ITGBL1: variants seen among roughly 807,000 people sequenced by gnomAD.
The protein encoded by ITGBL1 is integrin beta-like protein 1.
ITGBL1 carries 51 observed loss-of-function variants against 68.5 expected under a neutral mutation model. That is an observed-to-expected ratio of 0.74 (90% confidence interval 0.59 to 0.94). The LOEUF is 0.94. Among genes scored for constraint, ITGBL1 ranks in the 40% least tolerant of loss-of-function variants. The pLI is 0.00. For synonymous variants in ITGBL1, 209 were observed against 227.3 expected (o/e 0.92, Z 0.72); for missense variants, 649 against 647.4 (o/e 1.00, Z -0.03).
chr13:101,468,520 A>T (rs554012132), intron 2 of ITGBL1, among the ~76,000 whole-genome samples: 1 of 152,288 alleles, frequency 6.6e-6, no homozygotes, highest in African/African-American at 2.4e-5. Flanking sequence ...CTCCCACCCC[A>T]AATCAATAGA....
At chr13:101,510,446 T>C (rs1378727336) in intron 2 of ITGBL1, among the ~76,000 whole-genome samples, 1 of 152,130 alleles carries the variant, frequency 6.6e-6, no homozygotes, top group Admixed American at 6.6e-5. Context: ...GTTTTTGCTA[T>C]TGTGAATAGA....
At position 101,491,017 on chromosome 13, in the gene ITGBL1, T is replaced by C. The variant is rs560138593; in HGVS notation, c.316+36917T>C. Among the ~76,000 whole-genome samples the C allele has an allele frequency of 3.9e-5, 6 of 152,362 alleles. No homozygotes were observed. In the East Asian group the frequency reaches 1.2e-3, roughly 29 times the overall value. Reference sequence around the variant, plus strand: ...TGTGTGTAATGTCTGTCTTGGTTTTTGGTGGACCACTTAAAAGTTTATAAA... The same window carrying C: ...TGTGTGTAATGTCTGTCTTGGTTTTCGGTGGACCACTTAAAAGTTTATAAA... On this transcript the variant is annotated intron_variant, in intron 2 of 10. Coordinates refer to ENST00000376180, the MANE Select transcript of ITGBL1 (RefSeq NM_004791.3).
intron 6 of ITGBL1, among the ~76,000 whole-genome samples, chr13:101,592,668 A>G (rs117480873): frequency 0.012 from 1,807 of 152,264 alleles, 25 homozygotes; most frequent in Non-Finnish European, 0.017. Flanking sequence ...CTAAGAACAC[A>G]CATTGGAAAA....
chr13:101,536,602 C>T (rs569869041), intron 2 of ITGBL1, among the ~76,000 whole-genome samples: 41 of 152,036 alleles, frequency 2.7e-4, no homozygotes, highest in Non-Finnish European at 4.7e-4. Context: ...TTCTCATTCT[C>T]AACTCATAAG....
intron 2 of ITGBL1, among the ~76,000 whole-genome samples, chr13:101,488,246 G>GC (rs754267955): frequency 6.6e-6 from 1 of 152,220 alleles, no homozygotes; most frequent in Non-Finnish European, 1.5e-5. Flanking sequence ...TACATTAAAG[G>GC]CACAGCCTTT....
intron 2 of ITGBL1, among the ~76,000 whole-genome samples, chr13:101,471,685 C>A (rs2048463068): frequency 6.6e-6 from 1 of 152,134 alleles, no homozygotes; most frequent in East Asian, 1.9e-4. Context: ...GCTACCCAAG[C>A]TACGTTTTCG....
intron 7 of ITGBL1, among the ~76,000 whole-genome samples, chr13:101,639,820 A>T (rs1382377220): frequency 2.0e-5 from 3 of 152,238 alleles, no homozygotes; most frequent in Non-Finnish European, 4.4e-5. Context: ...TCATCCAATT[A>T]TCAGAATAGC....
chr13:101,553,806 C>G (rs1238574336), intron 2 of ITGBL1, among the ~76,000 whole-genome samples: 2 of 151,984 alleles, frequency 1.3e-5, no homozygotes, highest in South Asian at 4.2e-4. Flanking sequence ...GACAGAGTTT[C>G]TCTCATTGCC....
chr13:101,604,887 T>TGTATATATATATACAC (rs1555361661), intron 7 of ITGBL1, among the ~76,000 whole-genome samples: 1 of 22,164 alleles, frequency 4.5e-5, no homozygotes, highest in Non-Finnish European at 8.2e-5. Context: ...TATATATATA[T>TGTATATATATATACAC]ACACACACAC....
At chr13:101,562,863 A>G (rs1169704851) in intron 2 of ITGBL1, among the ~76,000 whole-genome samples, 3 of 151,786 alleles carry the variant, frequency 2.0e-5, no homozygotes, top group Admixed American at 1.3e-4. Flanking sequence ...TAAAATGCAC[A>G]AGGAAAATTG....
chr13:101,515,084 A>G (rs1240914102), intron 2 of ITGBL1, among the ~76,000 whole-genome samples: 1 of 152,100 alleles, frequency 6.6e-6, no homozygotes, highest in African/African-American at 2.4e-5. Flanking sequence ...CCAATTTGGG[A>G]TACTCAACAC....
intron 2 of ITGBL1, among the ~76,000 whole-genome samples, chr13:101,469,759 C>T (rs180877546): frequency 1.2e-4 from 19 of 152,218 alleles, no homozygotes; most frequent in African/African-American, 3.9e-4. Flanking sequence ...AGTGGCAATG[C>T]GCTGATCTTT....
In ITGBL1 at chr13:101,669,501, A is replaced by G. The variant is rs551801890; in HGVS notation, c.1016-23084A>G. ...TTATGAAAGGAATTTGTGTGCAATC[A>G]AGTTGGCTTAAGTTAGAAGAGAATT... is the stretch of plus-strand genomic sequence containing the variant. On this transcript the variant is annotated intron_variant, in intron 7 of 10. Coordinates refer to ENST00000376180, the MANE Select transcript of ITGBL1 (RefSeq NM_004791.3). 2.0e-5 allele frequency among the ~76,000 whole-genome samples: 3 copies of G among 152,268 alleles called. No homozygotes were observed. The East Asian group carries it at 5.8e-4, about 29-fold the overall frequency.
intron 7 of ITGBL1, among the ~76,000 whole-genome samples, chr13:101,653,113 AGAAG>A (rs1204233208): frequency 2.7e-5 from 4 of 150,500 alleles, no homozygotes; most frequent in African/African-American, 9.8e-5. Flanking sequence ...AGAAAGAAAA[AGAAG>A]GAAGGAAGGA....
At chr13:101,647,396 A>C (rs1317960319) in intron 7 of ITGBL1, among the ~76,000 whole-genome samples, 2 of 152,232 alleles carry the variant, frequency 1.3e-5, no homozygotes, top group East Asian at 3.8e-4. Flanking sequence ...TTTAAAAATT[A>C]ATATGTGGTT....
At chr13:101,690,580 C>T (rs1408174016) in intron 7 of ITGBL1, among the ~76,000 whole-genome samples, 1 of 152,082 alleles carries the variant, frequency 6.6e-6, no homozygotes, top group Non-Finnish European at 1.5e-5. Flanking sequence ...CCTCTTTCTC[C>T]CCACAGCCTG....
intron 2 of ITGBL1, among the ~76,000 whole-genome samples, chr13:101,537,572 G>A (rs998611604): frequency 5.9e-5 from 9 of 151,866 alleles, no homozygotes; most frequent in African/African-American, 2.2e-4. Context: ...GAGCAGTATG[G>A]TACCTTCACT....
chr13:101,466,235 C>G (rs1262268324), intron 2 of ITGBL1, among the ~76,000 whole-genome samples: 1 of 152,190 alleles, frequency 6.6e-6, no homozygotes, highest in Non-Finnish European at 1.5e-5. Context: ...TAGTAAAGTT[C>G]TTATCACACC....
intron 2 of ITGBL1, among the ~76,000 whole-genome samples, chr13:101,467,879 A>AT (rs200515803): frequency 0.02 from 2,972 of 149,652 alleles, 38 homozygotes; most frequent in Middle Eastern, 0.034. Flanking sequence ...GGTAGGCTAA[A>AT]TTTTTTTTTT....
Sources: allele counts gnomAD v4.1 joint callset (sites outside exome capture counted in the v4.1 genomes callset), GRCh38; gene constraint gnomAD v4.1.1; transcripts MANE v1.5; gene names NCBI Gene and HGNC (gene_info 2026-07-23, HGNC 2026-07-21).